DYRK1A: variants seen among roughly 807,000 people sequenced by gnomAD.
The protein encoded by DYRK1A is dual specificity tyrosine phosphorylation regulated kinase 1A, also known as dual specificity tyrosine-phosphorylation-regulated kinase 1A.
DYRK1A carries 9 observed loss-of-function variants against 79.7 expected under a neutral mutation model. That is an observed-to-expected ratio of 0.11 (90% CI 0.07 to 0.20). The LOEUF (loss-of-function observed/expected upper bound fraction) is 0.20, where lower values mean the gene tolerates loss of function less well. Among genes scored for constraint, DYRK1A ranks in the 10% least tolerant of loss-of-function variants. The probability of loss-of-function intolerance (pLI) is 1.00; values close to 1 mark genes in which losing one functional copy is unlikely to be tolerated. For synonymous variants in DYRK1A, 349 were observed against 329.7 expected, an observed-to-expected ratio of 1.06 and a Z score of -0.63; for missense variants, 622 against 956.0, an observed-to-expected ratio of 0.65 and a Z score of 4.61.
At chr21:37,428,848 C>T (rs567260379) in intron 2 of DYRK1A, 17 of 152,104 alleles carry the variant, frequency 1.1e-4, no homozygotes, top group African/African-American at 4.1e-4. Context: ...TTTTACTTTT[C>T]TCGAATTCCT....
rs201279546 is a variant in DYRK1A, at chr21:37,475,824, G to GT, written c.208-2383dup. The stretch of plus-strand genomic sequence containing the variant: ...TTTTTTTTGATTATATGTGATTTTG[G>GT]TGTTTTTTAGTGAGCATCATTACTC... On this transcript the variant is annotated intron_variant, in intron 3 of 11. Coordinates refer to ENST00000647188, the MANE Select transcript of DYRK1A (RefSeq NM_001347721.2). Among the ~76,000 whole-genome samples the GT allele has an allele frequency of 7.1e-3, 1,077 of 152,122 alleles. 13 individuals are homozygous for GT. The highest frequency in any genetic ancestry group is 0.025 in the African/African-American group (1,034 of 41,488).
intron 2 of DYRK1A, among the ~76,000 whole-genome samples, chr21:37,446,212 G>A (rs896053262): frequency 7.9e-5 from 12 of 152,118 alleles, no homozygotes; most frequent in African/African-American, 2.9e-4. Flanking sequence ...TGAGCATTGG[G>A]CCTCTCAACG....
chr21:37,409,700 C>T (rs1205672273), intron 1 of DYRK1A, among the ~76,000 whole-genome samples: 1 of 151,994 alleles, frequency 6.6e-6, no homozygotes, highest in Non-Finnish European at 1.5e-5. Context: ...AGTAATTACT[C>T]AGAATTTTAT....
At chr21:37,472,940 T>G in intron 3 of DYRK1A, 60 bp downstream of exon 3, 1 of 1,314,372 alleles carries the variant, frequency 7.6e-7, no homozygotes, top group Non-Finnish European at 1.0e-6. Flanking sequence ...TTAAAAATGT[T>G]GGAATACTAA....
upstream of DYRK1A, chr21:37,365,982 C>G (rs2049293733): frequency 6.6e-6 from 1 of 152,140 alleles, no homozygotes; most frequent in Non-Finnish European, 1.5e-5. Context: ...GTGCCAGCCT[C>G]AGGGCCGCCG....
At position 37,479,606 on chromosome 21, in the gene DYRK1A, G is replaced by GTTTTTTTTTTTTTTTTTTT. The variant is rs1183029117; in HGVS notation, c.301-1027_301-1026insTTTTTTTTTTTTTTTTTTT. Among the ~76,000 whole-genome samples the GTTTTTTTTTTTTTTTTTTT allele has an allele frequency of 2.6e-3, 72 of 27,590 alleles. 8 individuals are homozygous for GTTTTTTTTTTTTTTTTTTT. The highest frequency in any genetic ancestry group is 3.4e-3 in the Admixed American group (8 of 2,338). The allele number at this position is 27,590 out of a possible 152,430, so 18.1% of individuals were successfully genotyped here. A position where few individuals can be genotyped will look rare whatever the true frequency, so the allele number is the denominator to read the frequency against. Reference sequence around the variant, plus strand: ...GTGTTGGTGTTTTGTTTTTGTTTTTGTTTTTGTTTTTTGTTTTTTTTTTTT... The same window carrying GTTTTTTTTTTTTTTTTTTT: ...GTGTTGGTGTTTTGTTTTTGTTTTTGTTTTTTTTTTTTTTTTTTTTTTTTGTTTTTTGTTTTTTTTTTTT... On this transcript the variant is annotated intron_variant, in intron 4 of 11. Transcript: ENST00000647188.
chr21:37,392,060 C>T (rs1167536371), intron 1 of DYRK1A, among the ~76,000 whole-genome samples: 1 of 152,144 alleles, frequency 6.6e-6, no homozygotes, highest in Non-Finnish European at 1.5e-5. Flanking sequence ...AGTAAATTGC[C>T]CAAGGTTACA....
intron 9 of DYRK1A, chr21:37,501,946 A>G (rs1207167937): frequency 6.6e-6 from 1 of 152,094 alleles, no homozygotes; most frequent in African/African-American, 2.4e-5. Flanking sequence ...TATTGTTACG[A>G]CTTATTGATA....
chr21:37,378,226 TGTTATA>T (rs932605045), intron 1 of DYRK1A, among the ~76,000 whole-genome samples: 5 of 152,234 alleles, frequency 3.3e-5, no homozygotes, highest in Admixed American at 1.3e-4. Context: ...ATCAGATGTA[TGTTATA>T]GTTAAAGTAT....
chr21:37,508,689 G>A (rs571678167), intron 11 of DYRK1A, among the ~76,000 whole-genome samples: 1 of 152,162 alleles, frequency 6.6e-6, no homozygotes, highest in African/African-American at 2.4e-5. Flanking sequence ...GGTCCCCACC[G>A]AGGCCATTCT....
chr21:37,398,647 A>G (rs2050002040), intron 1 of DYRK1A, among the ~76,000 whole-genome samples: 1 of 152,238 alleles, frequency 6.6e-6, no homozygotes, highest in Admixed American at 6.5e-5. Flanking sequence ...CCTATGTGGA[A>G]GACTCTGCTT....
chr21:37,422,938 G>A (rs1271180151), intron 2 of DYRK1A, among the ~76,000 whole-genome samples: 2 of 152,088 alleles, frequency 1.3e-5, no homozygotes, highest in Admixed American at 1.3e-4. Context: ...TTAAAATACA[G>A]TTAGAACATG....
At chr21:37,462,064 A>C (rs926390493) in intron 2 of DYRK1A, among the ~76,000 whole-genome samples, 1 of 152,094 alleles carries the variant, frequency 6.6e-6, no homozygotes, top group Non-Finnish European at 1.5e-5. Context: ...AAGATTCACT[A>C]TTCCCTTATT....
chr21:37,489,906 T>C (rs1052275873), intron 6 of DYRK1A, among the ~76,000 whole-genome samples: 3 of 152,194 alleles, frequency 2.0e-5, no homozygotes, highest in African/African-American at 7.2e-5. Flanking sequence ...TTTTCAGATC[T>C]GACTTTTAGA....
chr21:37,453,279 C>A (rs1261611998), intron 2 of DYRK1A, among the ~76,000 whole-genome samples: 1 of 152,146 alleles, frequency 6.6e-6, no homozygotes, highest in African/African-American at 2.4e-5. Context: ...TATAGCACAT[C>A]TTAATTCTTT....
At chr21:37,384,426 A>G (rs1801452971) in intron 1 of DYRK1A, among the ~76,000 whole-genome samples, 1 of 152,196 alleles carries the variant, frequency 6.6e-6, no homozygotes, top group Non-Finnish European at 1.5e-5. Flanking sequence ...AGACCCCAGA[A>G]GAGTTATGTC....
chr21:37,420,327 C>G lies in DYRK1A; in HGVS notation c.-48C>G, dbSNP rs915681267. ...TATAGTTTTGCCGCTGGACTCTTCC[C>G]TCCCTTCCCCCACCCCATCAGGATG... On this transcript the variant is annotated 5_prime_UTR_variant, in exon 2 of 12. Transcript: ENST00000647188. 6.2e-7 allele frequency: 1 copy of G among 1,602,630 alleles called. No individual in the cohort carries two copies. Among genetic ancestry groups the G allele is most frequent in the African/African-American group, 1.3e-5 (1 of 74,610 alleles).
chr21:37,370,238 T>C (rs1277992276), intron 1 of DYRK1A, among the ~76,000 whole-genome samples: 1 of 152,186 alleles, frequency 6.6e-6, no homozygotes, highest in Admixed American at 6.5e-5. Flanking sequence ...TTTTGTTTTG[T>C]AACTACACGA....
chr21:37,420,592 C>T (rs2050449184), intron 2 of DYRK1A, among the ~76,000 whole-genome samples: 1 of 152,036 alleles, frequency 6.6e-6, no homozygotes, highest in Non-Finnish European at 1.5e-5. Context: ...ATTACAAATA[C>T]AGCATAGTAA....
Sources: gnomAD v4.1 joint callset for allele counts (sites outside exome capture counted in the v4.1 genomes callset) on GRCh38, gnomAD v4.1.1 for gene constraint, MANE v1.5 for transcripts, NCBI Gene and HGNC (gene_info 2026-07-23, HGNC 2026-07-21) for gene names.